DIPK1A: variants seen among roughly 807,000 people sequenced by gnomAD.
DIPK1A encodes family with sequence similarity 69 member A.
A neutral mutation model predicts 40.8 loss-of-function variants in DIPK1A; 27 were observed. The observed-to-expected ratio is 0.66, with a 90% CI of 0.49 to 0.91. The LOEUF is 0.91. Ranked by LOEUF, DIPK1A falls within the 40% of genes least tolerant of loss-of-function variation. The probability of loss-of-function intolerance (pLI) is 0.00; values close to 1 mark genes in which losing one functional copy is unlikely to be tolerated. For synonymous variants in DIPK1A, 166 were observed against 171.3 expected (o/e 0.97, Z 0.24); for missense variants, 412 against 505.7 (o/e 0.81, Z 1.78).
intron 1 of DIPK1A, among the ~76,000 whole-genome samples, chr1:92,943,428 C>T (rs977058762): frequency 2.6e-5 from 4 of 152,028 alleles, no homozygotes; most frequent in African/African-American, 7.2e-5. Flanking sequence ...CCAACAGGTA[C>T]AAGGGAGGGC....
At chr1:92,915,488 A>G (rs958648397) in intron 1 of DIPK1A, among the ~76,000 whole-genome samples, 1 of 152,202 alleles carries the variant, frequency 6.6e-6, no homozygotes, top group Admixed American at 6.5e-5. Context: ...TAATACAGGA[A>G]CTTCATTTTA....
At chr1:92,953,937 GA>G (rs1488635531) in intron 1 of DIPK1A, among the ~76,000 whole-genome samples, 1 of 151,606 alleles carries the variant, frequency 6.6e-6, no homozygotes, top group African/African-American at 2.4e-5. Flanking sequence ...AAATGAAACA[GA>G]AAAAAATAAC....
intron 2 of DIPK1A, among the ~76,000 whole-genome samples, chr1:92,852,705 T>C (rs948615531): frequency 3.3e-5 from 5 of 151,874 alleles, no homozygotes; most frequent in South Asian, 4.2e-4. Context: ...AGCCACATTA[T>C]AAATGAGGGG....
chr1:92,895,419 A>G (rs1359291108), intron 1 of DIPK1A, among the ~76,000 whole-genome samples: 5 of 152,122 alleles, frequency 3.3e-5, no homozygotes, highest in Non-Finnish European at 7.3e-5. Flanking sequence ...GATTATCTCA[A>G]TAGATGCAGA....
chr1:92,909,280 C>A (rs1028708729), intron 1 of DIPK1A, among the ~76,000 whole-genome samples: 1 of 152,114 alleles, frequency 6.6e-6, no homozygotes, highest in Non-Finnish European at 1.5e-5. Context: ...GTCTTTACTA[C>A]ACAAAATACC....
rs12122862 is a variant in DIPK1A at position 92,870,073 on chromosome 1, T to C, written c.189+6223A>G. ...CAATAAAAAACTTACATGAATTATA[T>C]ATACACACACACACACACACACACA... On this transcript the variant is annotated intron_variant, in intron 2 of 4. Transcript: ENST00000370310. Among the ~76,000 whole-genome samples the C allele has an allele frequency of 2.0e-3, 288 of 143,746 alleles. 1 individual carries two copies. The highest frequency in any genetic ancestry group is 3.5e-3 in the East Asian group (17 of 4,880). The allele number at this position is 143,746 out of a possible 152,430, so 94.3% of individuals were successfully genotyped here. A position where few individuals can be genotyped will look rare whatever the true frequency, so the allele number is the denominator to read the frequency against.
At chr1:92,879,122 G>A (rs1648262382) in intron 1 of DIPK1A, among the ~76,000 whole-genome samples, 1 of 152,140 alleles carries the variant, frequency 6.6e-6, no homozygotes, top group Admixed American at 6.5e-5. Flanking sequence ...AGAGGTTGCA[G>A]TGAGCCAAGA....
chr1:92,845,480 G>A, intron 4 of DIPK1A: 1 of 378,128 alleles, frequency 2.6e-6, no homozygotes, highest in Non-Finnish European at 5.0e-6. Flanking sequence ...ACCCGCCTGG[G>A]CAACATGGTG....
chr1:92,951,821 A>G (rs577696595), intron 1 of DIPK1A, among the ~76,000 whole-genome samples: 16 of 152,022 alleles, frequency 1.1e-4, no homozygotes, highest in Non-Finnish European at 2.2e-4. Flanking sequence ...GACTAATACA[A>G]TGAATACTCT....
Position 92,842,942 on chromosome 1 carries a change from T to TAA in DIPK1A, c.*439_*440dup, listed in dbSNP as rs1397262531. 1.0e-6 allele frequency: 1 copy of TAA among 989,526 alleles called. No individual in the cohort carries two copies. The highest frequency in any genetic ancestry group is 1.2e-6 in the Non-Finnish European group (1 of 832,756). 61.3% of individuals were successfully genotyped at this position (989,526 alleles called of 1,614,324 possible). A position where few individuals can be genotyped will look rare whatever the true frequency, so the allele number is the denominator to read the frequency against. ...GCAAGTTTAACCTGCTTTGCAGTCT[T>TAA]AATTTCTGTTAATGTGCAAACTTTA... On this transcript the variant is annotated 3_prime_UTR_variant, in exon 5 of 5. Coordinates refer to ENST00000370310, the MANE Select transcript of DIPK1A (RefSeq NM_001006605.5).
chr1:92,950,948 T>C (rs1185914889), intron 1 of DIPK1A, among the ~76,000 whole-genome samples: 1 of 152,204 alleles, frequency 6.6e-6, no homozygotes, highest in Non-Finnish European at 1.5e-5. Context: ...AATTACTTTT[T>C]TTTACTATTA....
rs1206500006 is a variant in DIPK1A at position 92,834,811 on chromosome 1, A to G, written c.475-1777T>C. On this transcript the variant is annotated intron_variant, in intron 4 of 4. Transcript: ENST00000615519. ...ATGCCCGTATAGAGGGGGATATGAT[A>G]GTCTGCGCAGCGTATGCACACGAAC... is the stretch of plus-strand genomic sequence containing the variant. 1.9e-6 allele frequency: 3 copies of G among 1,613,132 alleles called. No individual in the cohort carries two copies. The African/African-American group carries it at 4.0e-5, about 22-fold the overall frequency.
chr1:92,914,521 G>C (rs1649966193), intron 1 of DIPK1A, among the ~76,000 whole-genome samples: 1 of 152,146 alleles, frequency 6.6e-6, no homozygotes, highest in Non-Finnish European at 1.5e-5. Context: ...TGTAATCCCA[G>C]CACTTTGGGA....
intron 1 of DIPK1A, among the ~76,000 whole-genome samples, chr1:92,906,132 T>G (rs1649612095): frequency 6.6e-6 from 1 of 152,198 alleles, no homozygotes; most frequent in African/African-American, 2.4e-5. Flanking sequence ...ACATAAATTT[T>G]AGGATTTTTT....
intron 1 of DIPK1A, among the ~76,000 whole-genome samples, chr1:92,922,059 GT>G (rs1304630861): frequency 1.3e-5 from 2 of 151,884 alleles, no homozygotes; most frequent in African/African-American, 4.8e-5. Context: ...TTTTTACATT[GT>G]TTAAGCTAAT....
At chr1:92,881,446 C>T (rs1279369962) in intron 1 of DIPK1A, among the ~76,000 whole-genome samples, 1 of 151,590 alleles carries the variant, frequency 6.6e-6, no homozygotes, top group African/African-American at 2.4e-5. Flanking sequence ...TCTTTGATCT[C>T]AAGTTTAAAG....
chr1:92,838,912 CTT>C (rs1246696636), downstream of DIPK1A, among the ~76,000 whole-genome samples: 1 of 151,806 alleles, frequency 6.6e-6, no homozygotes, highest in Admixed American at 6.6e-5. Flanking sequence ...CTTTAATAAT[CTT>C]TATGCAAATG....
intron 1 of DIPK1A, among the ~76,000 whole-genome samples, chr1:92,900,734 G>A (rs933224706): frequency 3.3e-5 from 5 of 152,052 alleles, no homozygotes; most frequent in African/African-American, 4.8e-5. Flanking sequence ...CCTAGAGTGT[G>A]GCCAGTGTTG....
At chr1:92,959,061 G>T (rs1199883229) in intron 1 of DIPK1A, among the ~76,000 whole-genome samples, 2 of 152,176 alleles carry the variant, frequency 1.3e-5, no homozygotes, top group East Asian at 3.8e-4. Context: ...CAAGGCAGGA[G>T]GACTGCTTGA....
Sources: allele counts gnomAD v4.1 joint callset (sites outside exome capture counted in the v4.1 genomes callset), GRCh38; gene constraint gnomAD v4.1.1; transcripts MANE v1.5; gene names NCBI Gene and HGNC (gene_info 2026-07-23, HGNC 2026-07-21).